BPTF: variants seen among roughly 807,000 people sequenced by gnomAD.
BPTF encodes the protein bromodomain PHD finger transcription factor.
In BPTF, 18 loss-of-function variants were observed where a neutral mutation model predicts 292.5. The ratio of observed to expected loss-of-function variants is 0.06; its 90% confidence interval spans 0.04 to 0.09. The LOEUF (loss-of-function observed/expected upper bound fraction) is 0.09, where lower values mean the gene tolerates loss of function less well. BPTF is among the 10% of genes least tolerant of loss of function. The pLI, the probability that BPTF is intolerant of heterozygous loss-of-function variation, is 1.00. For missense variants in BPTF, 2,726 were observed against 3,498.7 expected (o/e 0.78, Z 5.57); for synonymous variants, 1,225 against 1,251.9 (o/e 0.98, Z 0.45).
chr17:67,958,354 T>G (rs549604493), intron 23 of BPTF, among the ~76,000 whole-genome samples: 25 of 152,078 alleles, frequency 1.6e-4, no homozygotes, highest in Admixed American at 1.6e-3. Flanking sequence ...CAGAGTACAG[T>G]AAAGAAGCTG....
At chr17:67,842,430 C>CT (rs1447605711) in intron 1 of BPTF, among the ~76,000 whole-genome samples, 1 of 152,122 alleles carries the variant, frequency 6.6e-6, no homozygotes, top group Non-Finnish European at 1.5e-5. Flanking sequence ...TATCAGTTGT[C>CT]TGAGTTACCA....
At chr17:67,931,314 G>T (rs2064368144) in intron 17 of BPTF, among the ~76,000 whole-genome samples, 1 of 151,142 alleles carries the variant, frequency 6.6e-6, no homozygotes, top group South Asian at 2.1e-4. Flanking sequence ...ATGAATGAAT[G>T]AATGAATGAT....
At chr17:67,968,865 C>T (rs1192803954) in intron 26 of BPTF, among the ~76,000 whole-genome samples, 1 of 151,342 alleles carries the variant, frequency 6.6e-6, no homozygotes, top group Non-Finnish European at 1.5e-5. Flanking sequence ...GCCTATAATC[C>T]TAGCTGCTCG....
chr17:67,943,926 T>G (rs1228150721), intron 19 of BPTF, among the ~76,000 whole-genome samples: 2 of 152,210 alleles, frequency 1.3e-5, no homozygotes, highest in Non-Finnish European at 2.9e-5. Context: ...GATAACTGGC[T>G]GACCATTGGG....
chr17:67,961,203 C>T (rs2067448931), intron 24 of BPTF, among the ~76,000 whole-genome samples: 1 of 152,168 alleles, frequency 6.6e-6, no homozygotes, highest in Non-Finnish European at 1.5e-5. Flanking sequence ...CTTTGAAATA[C>T]CTACATTGCA....
chr17:67,849,427 G>A (rs1191502649), intron 1 of BPTF, among the ~76,000 whole-genome samples: 2 of 152,122 alleles, frequency 1.3e-5, no homozygotes, highest in Non-Finnish European at 2.9e-5. Flanking sequence ...GTCACTTGTC[G>A]AGTAGCAAGT....
chr17:67,830,165 C>A (rs2056536566), intron 1 of BPTF, among the ~76,000 whole-genome samples: 1 of 152,202 alleles, frequency 6.6e-6, no homozygotes, highest in South Asian at 2.1e-4. Flanking sequence ...AAGGTTCTGA[C>A]AGCACTTTGA....
intron 15 of BPTF, among the ~76,000 whole-genome samples, chr17:67,925,693 A>G (rs980857389): frequency 6.6e-6 from 1 of 152,218 alleles, no homozygotes. Flanking sequence ...TTATTAACAT[A>G]GTTATACATA....
In BPTF at chr17:67,945,635, C is replaced by T; in HGVS notation, c.6927C>T (p.Val2309=). ...CCCAAACAACTGTTTCATCCCATGT[C>T]CCTTCTGAAGCACAACCCACCCACG... The part of the protein sequence containing the change: ...VQTQTTVSSH[V]PSEAQPTHAQ... The change falls in exon 21 of 28, where the codon GTC becomes GTT. Residue 2309 remains valine (V), a synonymous_variant. Transcript: ENST00000306378. 1 of 1,613,966 alleles carries T rather than the reference C, an allele frequency of 6.2e-7. No individual in the cohort carries two copies. The highest frequency in any genetic ancestry group is 8.5e-7 in the Non-Finnish European group (1 of 1,179,958).
intron 18 of BPTF, among the ~76,000 whole-genome samples, chr17:67,938,440 A>C (rs556910779): frequency 1.1e-4 from 16 of 152,316 alleles, no homozygotes; most frequent in Non-Finnish European, 1.9e-4. Flanking sequence ...ATTTAGAAGA[A>C]AGAGTAATAA....
chr17:67,982,540 CTTTG>C lies in BPTF; in HGVS notation c.*256_*259del, dbSNP rs1161821740. The C allele has an allele frequency of 2.7e-5, 10 of 366,276 alleles. No homozygotes were observed. The highest frequency in any genetic ancestry group is 4.9e-5 in the Non-Finnish European group (10 of 202,776). 22.7% of individuals were successfully genotyped at this position (366,276 alleles called of 1,614,324 possible). A position where few individuals can be genotyped will look rare whatever the true frequency, so the allele number is the denominator to read the frequency against. On this transcript the variant is annotated 3_prime_UTR_variant, in exon 28 of 28. Coordinates refer to ENST00000306378, the MANE Select transcript of BPTF (RefSeq NM_182641.4). ...TACTATTGTGGCAGAAGCGAGAAAA[CTTTG>C]TTTATTGAAAAAAAAAGAAAAAGAA... is the stretch of plus-strand genomic sequence containing the variant.
chr17:67,860,290 G>A (rs1196794603), intron 2 of BPTF, among the ~76,000 whole-genome samples: 1 of 152,126 alleles, frequency 6.6e-6, no homozygotes, highest in Non-Finnish European at 1.5e-5. Context: ...CAGTTTAACT[G>A]TACTTTTGTG....
intron 1 of BPTF, among the ~76,000 whole-genome samples, chr17:67,851,827 C>G (rs1021626372): frequency 6.6e-6 from 1 of 151,860 alleles, no homozygotes; most frequent in Non-Finnish European, 1.5e-5. Context: ...TTTGGTTAAA[C>G]TGTTAAATTT....
rs146204055 is a variant in BPTF at position 67,912,636 on chromosome 17, C to A, written c.4752C>A (p.Val1584=). The change falls in exon 11 of 28, where the codon GTC becomes GTA. Residue 1584 remains valine (V), a synonymous_variant. Coordinates refer to ENST00000306378, the MANE Select transcript of BPTF (RefSeq NM_182641.4). Reference sequence around the variant, plus strand: ...ATGGAGAATCTAAAAGAAAAACCGTCATCACAGAAGTCACCACGATGACCT... The same window carrying A: ...ATGGAGAATCTAAAAGAAAAACCGTAATCACAGAAGTCACCACGATGACCT... ...NVNGESKRKT[V]ITEVTTMTST... 22 of 1,612,932 alleles carry A rather than the reference C, an allele frequency of 1.4e-5. No individual in the cohort carries two copies. The highest frequency in any genetic ancestry group is 1.9e-5 in the Non-Finnish European group (22 of 1,179,830).
intron 24 of BPTF, among the ~76,000 whole-genome samples, chr17:67,960,892 A>G (rs1376248080): frequency 6.6e-6 from 1 of 152,234 alleles, no homozygotes; most frequent in Non-Finnish European, 1.5e-5. Context: ...CTTTGTTGGC[A>G]GATTGAGCTG....
Position 67,976,177 on chromosome 17 carries a change from A to C in BPTF, c.8726+219A>C, listed in dbSNP as rs116830162. The C allele has an allele frequency of 2.7e-3, 928 of 341,996 alleles. 13 individuals carry two copies. Among genetic ancestry groups the C allele is most frequent in the African/African-American group, 0.019 (868 of 46,878 alleles). The allele number at this position is 341,996 out of a possible 1,614,324, so 21.2% of individuals were successfully genotyped here. A position where few individuals can be genotyped will look rare whatever the true frequency, so the allele number is the denominator to read the frequency against. On this transcript the variant is annotated intron_variant, in intron 27 of 27. Coordinates refer to ENST00000306378, the MANE Select transcript of BPTF (RefSeq NM_182641.4). ...TTGATCTACTTAAAGTCTTTTTTTG[A>C]AAATTCAAGAAGTGGCCGGGCATAG... is the stretch of plus-strand genomic sequence containing the variant.
intron 23 of BPTF, among the ~76,000 whole-genome samples, chr17:67,958,255 C>T (rs563876216): frequency 1.3e-5 from 2 of 152,126 alleles, no homozygotes; most frequent in South Asian, 4.2e-4. Flanking sequence ...TCACTTGAGC[C>T]TGGGAGGTGA....
intron 4 of BPTF, among the ~76,000 whole-genome samples, chr17:67,876,532 G>A (rs1364249065): frequency 1.3e-5 from 2 of 152,256 alleles, no homozygotes; most frequent in Non-Finnish European, 2.9e-5. Context: ...AGGGCCAGGT[G>A]TGGTGGTTCA....
intron 23 of BPTF, among the ~76,000 whole-genome samples, chr17:67,949,909 C>T (rs567029432): frequency 8.6e-5 from 13 of 151,170 alleles, no homozygotes; most frequent in Non-Finnish European, 1.6e-4. Flanking sequence ...AAAAATTAGC[C>T]GGACATGGTG....
Sources: allele counts gnomAD v4.1 joint callset (sites outside exome capture counted in the v4.1 genomes callset), GRCh38; gene constraint gnomAD v4.1.1; transcripts MANE v1.5; gene names NCBI Gene and HGNC (gene_info 2026-07-23, HGNC 2026-07-21).